Variants in MYH7B observed in about 807,000 individuals in gnomAD.
MYH7B encodes the protein myosin heavy chain 7B.
In MYH7B, 205 loss-of-function variants were observed where a neutral mutation model predicts 234.5. That is an observed-to-expected ratio of 0.87 (90% CI 0.78 to 0.98). MYH7B has a LOEUF of 0.98. MYH7B is among the 50% of genes least tolerant of loss of function. The probability of loss-of-function intolerance (pLI) is 0.00; values close to 1 mark genes in which losing one functional copy is unlikely to be tolerated. For synonymous variants in MYH7B, 1,193 were observed against 1,105.0 expected (o/e 1.08, Z -1.58); for missense variants, 2,652 against 2,633.4 (o/e 1.01, Z -0.15).
intron 5 of MYH7B, among the ~76,000 whole-genome samples, chr20:34,978,680 T>A (rs1250885101): frequency 6.6e-6 from 1 of 152,206 alleles, no homozygotes; most frequent in Non-Finnish European, 1.5e-5. Flanking sequence ...GGCGCCAGGC[T>A]AAGAGGGACC....
chr20:34,991,270 T>C (rs6060143), intron 24 of MYH7B, 149 bp downstream of exon 24: 442,844 of 595,522 alleles, frequency 0.74, 166,412 homozygotes, highest in Middle Eastern at 0.85. Flanking sequence ...CAGCAAGACA[T>C]GGGGGTGGCT....
At chr20:34,963,446 T>C (rs888360645) in intron 2 of MYH7B, among the ~76,000 whole-genome samples, 9 of 152,254 alleles carry the variant, frequency 5.9e-5, no homozygotes, top group African/African-American at 2.2e-4. Flanking sequence ...CCTTTTATTA[T>C]TGGGTTGTAG....
intron 1 of MYH7B, 115 bp downstream of exon 1, chr20:34,956,122 G>T (rs967743667): frequency 2.6e-5 from 4 of 152,288 alleles, no homozygotes; most frequent in African/African-American, 9.7e-5. Flanking sequence ...AAGGGTGGGG[G>T]TGGCCGTGGT....
chr20:34,987,368 CAACCTTT>C, intron 16 of MYH7B, 81 bp downstream of exon 16: 4 of 1,564,232 alleles, frequency 2.6e-6, no homozygotes, highest in Non-Finnish European at 3.5e-6. Flanking sequence ...CTCTTGTCCA[CAACCTTT>C]AACCTCAGTC....
chr20:34,972,053 C>T (rs1278180349), intron 2 of MYH7B, among the ~76,000 whole-genome samples: 7 of 152,164 alleles, frequency 4.6e-5, no homozygotes, highest in Non-Finnish European at 8.8e-5. Flanking sequence ...CAGACCCATC[C>T]GCTCTCACCC....
chr20:35,001,516 T>A (rs750525202), exon 43 of MYH7B: 3 of 1,608,386 alleles, frequency 1.9e-6, no homozygotes, highest in East Asian at 2.2e-5. Context: ...AAGCGCCAGT[T>A]TGAGGAGGCG....
rs151254276 is a variant in MYH7B at position 34,990,371 on chromosome 20, C to T, written c.1977+61C>T. 703 of 1,580,284 alleles carry T rather than the reference C, an allele frequency of 4.4e-4. 2 individuals carry two copies. In the African/African-American group the frequency reaches 7.8e-3, roughly 18 times the overall value. On this transcript the variant is annotated intron_variant, in intron 22 of 44. Transcript: ENST00000262873. ...GGCAGCCTCCAGCCCCGTCCTTCACCCCCTGCCCTGTCCCCTGTGCCTTGG... is the reference window on the plus strand; with the variant it reads ...GGCAGCCTCCAGCCCCGTCCTTCACTCCCTGCCCTGTCCCCTGTGCCTTGG...
exon 45 of MYH7B, chr20:35,002,333 C>T: frequency 1.1e-6 from 1 of 879,018 alleles, no homozygotes; most frequent in South Asian, 2.5e-5. Flanking sequence ...AGCCAGTTTC[C>T]TTCTCATTCT....
chr20:34,997,311 GAGAAGCAGCGTGC>G lies in MYH7B; in HGVS notation c.3422_3434del (p.Lys1141ArgfsTer9), dbSNP rs1267103355. ...AGAGCGGGCAGCCCGGGCCCGCGTG[GAGAAGCAGCGTGC>G]AGAGGCGGCGCGGGAGCTGGAGGAG... On this transcript the variant is annotated frameshift_variant, in exon 32 of 45. Coordinates refer to ENST00000262873, the Ensembl canonical transcript of MYH7B. LOFTEE classifies it high-confidence loss of function. 2.8e-5 allele frequency: 44 copies of G among 1,552,622 alleles called. No homozygotes were observed. Among genetic ancestry groups the G allele is most frequent in the Non-Finnish European group, 3.7e-5 (43 of 1,149,830 alleles).
At chr20:34,999,874 G>A in exon 38 of MYH7B, 1 of 1,613,760 alleles carries the variant, frequency 6.2e-7, no homozygotes, top group Non-Finnish European at 8.5e-7. Flanking sequence ...ACCGGAAGCT[G>A]GCAGAGAAAG....
At chr20:34,989,757 C>A in exon 20 of MYH7B, 1 of 1,614,026 alleles carries the variant, frequency 6.2e-7, no homozygotes, top group South Asian at 1.1e-5. Context: ...GCATCCTGTC[C>A]ATCCTGGAGG....
At chr20:34,980,263 T>G (rs1481969938) in intron 7 of MYH7B, 3 of 340,498 alleles carry the variant, frequency 8.8e-6, no homozygotes, top group Non-Finnish European at 1.6e-5. Context: ...ACCCTACCTA[T>G]GGGGGGAGAA....
intron 24 of MYH7B, among the ~76,000 whole-genome samples, chr20:34,992,834 T>C (rs1316598426): frequency 6.6e-6 from 1 of 152,192 alleles, no homozygotes; most frequent in South Asian, 2.1e-4. Context: ...CTTCCCAAAG[T>C]GTTGTGATTA....
intron 2 of MYH7B, among the ~76,000 whole-genome samples, chr20:34,971,345 CCCT>C (rs541007052): frequency 7.2e-5 from 11 of 152,092 alleles, no homozygotes; most frequent in Non-Finnish European, 1.3e-4. Flanking sequence ...GGTCGCAGTC[CCCT>C]CCTTTCTTTG....
In MYH7B at chr20:34,999,589, C is replaced by A. The variant is rs199671709; in HGVS notation, c.4559C>A (p.Thr1520Lys). 1.2e-6 allele frequency: 2 copies of A among 1,611,190 alleles called. No homozygotes were observed. The highest frequency in any genetic ancestry group is 1.7e-5 in the Admixed American group (1 of 59,716). The stretch of plus-strand genomic sequence containing the variant: ...ACTGCAGAGGAGATCAGCGACCTCA[C>A]AGACCAGGTGAGTCTCAGTGGGAAG... Residue 1520 changes from threonine (T) to lysine (K), a missense_variant, in exon 37 of 45, where the codon ACA becomes AAA. Coordinates refer to ENST00000262873, the Ensembl canonical transcript of MYH7B.
intron 2 of MYH7B, among the ~76,000 whole-genome samples, chr20:34,969,077 C>T (rs1242315055): frequency 1.3e-5 from 2 of 152,194 alleles, no homozygotes; most frequent in Admixed American, 6.5e-5. Context: ...AAGCCTGCCT[C>T]CTGGCTCACC....
chr20:34,993,290 G>C, intron 25 of MYH7B, 44 bp from the exon 26 acceptor site: 1 of 1,613,988 alleles, frequency 6.2e-7, no homozygotes, highest in Non-Finnish European at 8.5e-7. Context: ...GGGTTCATGC[G>C]GATGGTTGGG....
intron 14 of MYH7B, 143 bp from the exon 15 acceptor site, chr20:34,986,743 C>T (rs566525758): frequency 3.0e-6 from 2 of 658,730 alleles, no homozygotes; most frequent in Non-Finnish European, 5.4e-6. Context: ...AACTTAGGCC[C>T]CAGACTGGGA....
rs551703260 is a variant in MYH7B, at chr20:34,964,811, A to G, written c.-222+6599A>G. Among the ~76,000 whole-genome samples the G allele has an allele frequency of 7.9e-5, 12 of 152,300 alleles. No homozygotes were observed. The South Asian group carries it at 2.5e-3, about 32-fold the overall frequency. Reference sequence around the variant, plus strand: ...GAATTGCCTAAGGATGAGAGGTCACAGTGGCCTAAGTGACCCTTAGGAATG... The same window carrying G: ...GAATTGCCTAAGGATGAGAGGTCACGGTGGCCTAAGTGACCCTTAGGAATG... On this transcript the variant is annotated intron_variant, in intron 2 of 44. Transcript: ENST00000262873.
Sources: gnomAD v4.1 joint callset for allele counts (sites outside exome capture counted in the v4.1 genomes callset) on GRCh38, gnomAD v4.1.1 for gene constraint, MANE v1.5 for transcripts, NCBI Gene and HGNC (gene_info 2026-07-23, HGNC 2026-07-21) for gene names.